Variants in FBXL2 observed in about 807,000 individuals in gnomAD.
FBXL2 encodes F-box and leucine rich repeat protein 2, also known as F-box/LRR-repeat protein 2.
Under a neutral mutation model 69.2 loss-of-function variants are expected in FBXL2, and 38 were observed. That is an observed-to-expected ratio of 0.55 (90% confidence interval 0.42 to 0.72). The LOEUF (loss-of-function observed/expected upper bound fraction) is 0.72, where lower values mean the gene tolerates loss of function less well. FBXL2 is among the 30% of genes least tolerant of loss of function. FBXL2 has a pLI of 0.00. For missense variants in FBXL2, 354 were observed against 520.3 expected, an observed-to-expected ratio of 0.68 and a Z score of 3.11; for synonymous variants, 192 against 201.3, an observed-to-expected ratio of 0.95 and a Z score of 0.39.
At chr3:33,306,051 A>G (rs900795023) in intron 2 of FBXL2, among the ~76,000 whole-genome samples, 2 of 151,700 alleles carry the variant, frequency 1.3e-5, no homozygotes, top group Admixed American at 6.6e-5. Context: ...TCTCTGTAAA[A>G]ATTTTTTCTT....
At chr3:33,385,060 A>G (rs1233119878) in intron 14 of FBXL2, among the ~76,000 whole-genome samples, 3 of 152,202 alleles carry the variant, frequency 2.0e-5, no homozygotes, top group East Asian at 1.9e-4. Flanking sequence ...GGTAAAGGCA[A>G]GCAATTTAAG....
the FBXL2 span, chr3:33,411,548 T>A: frequency 6.4e-7 from 1 of 1,574,536 alleles, no homozygotes; most frequent in East Asian, 2.2e-5. Context: ...AATAACTAGG[T>A]TAGTAAGCTT....
rs114252269 is a variant in FBXL2 at position 33,318,020 on chromosome 3, G to T, written c.65+20295G>T. 3.1e-3 allele frequency among the ~76,000 whole-genome samples: 478 copies of T among 151,790 alleles called. 1 individual carries two copies. Among genetic ancestry groups the T allele is most frequent in the Non-Finnish European group, 4.8e-3 (325 of 67,910 alleles). On this transcript the variant is annotated intron_variant, in intron 2 of 14. Transcript: ENST00000484457. ...AGCATGTTTTGGGCCAGGTTTCTGG[G>T]TTTTTTTTGTTTTTTTGACAGAATT...
At chr3:33,327,478 G>A (rs2038791427) in intron 2 of FBXL2, among the ~76,000 whole-genome samples, 1 of 152,010 alleles carries the variant, frequency 6.6e-6, no homozygotes, top group South Asian at 2.1e-4. Context: ...AAAAGATAAG[G>A]CATATAATTT....
rs141979451 is a variant in FBXL2, at chr3:33,295,390, A to C, written c.4-2274A>C. Among the ~76,000 whole-genome samples, 1,156 of 152,284 alleles carry C rather than the reference A, an allele frequency of 7.6e-3. 6 individuals carry two copies. Among genetic ancestry groups the C allele is most frequent in the Non-Finnish European group, 0.011 (732 of 68,018 alleles). On this transcript the variant is annotated intron_variant, in intron 1 of 14. Coordinates refer to ENST00000484457, the MANE Select transcript of FBXL2 (RefSeq NM_012157.5). ...TTTCAATAGCATATTTTCAAGACTC[A>C]TTCCTGTTGTAACATGTATCATTAC...
the FBXL2 span, among the ~76,000 whole-genome samples, chr3:33,410,119 A>G: frequency 6.6e-6 from 1 of 152,054 alleles, no homozygotes. Context: ...AAAACCCACT[A>G]CCCATCCTAT....
At chr3:33,355,380 G>A in intron 2 of FBXL2, among the ~76,000 whole-genome samples, 1 of 152,142 alleles carries the variant, frequency 6.6e-6, no homozygotes, top group East Asian at 1.9e-4. Context: ...TTCTGGATTG[G>A]AAGATTTAAT....
chr3:33,288,503 G>T (rs1394035921), intron 1 of FBXL2, among the ~76,000 whole-genome samples: 1 of 152,168 alleles, frequency 6.6e-6, no homozygotes, highest in Non-Finnish European at 1.5e-5. Flanking sequence ...GGGAAGGGAT[G>T]TGTTGCTTTT....
At position 33,373,691 on chromosome 3, in the gene FBXL2, G is replaced by C. The variant is rs756683169; in HGVS notation, c.569G>C (p.Arg190Thr). 6.2e-7 allele frequency: 1 copy of C among 1,614,186 alleles called. No individual in the cohort carries two copies. Among genetic ancestry groups the C allele is most frequent in the Non-Finnish European group, 8.5e-7 (1 of 1,180,028 alleles). The change falls in exon 8 of 15, where the codon AGG becomes ACG. Residue 190 changes from arginine (R) to threonine (T), a missense_variant. Coordinates refer to ENST00000484457, the MANE Select transcript of FBXL2 (RefSeq NM_012157.5). ...GCRGLKALLL[R>T]GCTQLEDEAL... is the part of the protein sequence containing the mutation. ...CGAGGCCTGAAAGCCCTGCTCCTGA[G>C]GGGCTGCACACAGGTACCAGAGGGT...
intron 2 of FBXL2, among the ~76,000 whole-genome samples, chr3:33,316,353 C>T (rs867696602): frequency 4.6e-5 from 7 of 152,032 alleles, no homozygotes; most frequent in African/African-American, 1.7e-4. Context: ...GCCACCACGC[C>T]GAGCCACCAC....
chr3:33,355,770 T>C (rs111727741), intron 2 of FBXL2, among the ~76,000 whole-genome samples: 44 of 152,348 alleles, frequency 2.9e-4, no homozygotes, highest in Admixed American at 5.2e-4. Flanking sequence ...GGAAGCACTT[T>C]CTAGGAAAGA....
chr3:33,374,875 A>C (rs1181615500), intron 9 of FBXL2, among the ~76,000 whole-genome samples: 1 of 152,194 alleles, frequency 6.6e-6, no homozygotes, highest in Non-Finnish European at 1.5e-5. Context: ...CTAAAGCATT[A>C]ATCTGCAGAA....
the FBXL2 span, among the ~76,000 whole-genome samples, chr3:33,410,614 A>G: frequency 1.3e-5 from 2 of 152,196 alleles, no homozygotes; most frequent in Non-Finnish European, 2.9e-5. Context: ...TATATTACCT[A>G]CCTGGTAGTT....
intron 2 of FBXL2, among the ~76,000 whole-genome samples, chr3:33,358,759 T>C (rs1179848001): frequency 6.6e-6 from 1 of 152,238 alleles, no homozygotes; most frequent in Non-Finnish European, 1.5e-5. Flanking sequence ...GTAATTTGTA[T>C]TGTGTGTCCA....
At chr3:33,331,405 C>T (rs1286950127) in intron 2 of FBXL2, among the ~76,000 whole-genome samples, 2 of 152,042 alleles carry the variant, frequency 1.3e-5, no homozygotes, top group African/African-American at 4.8e-5. Flanking sequence ...GAGATGAGGT[C>T]TTTGAGCCTG....
chr3:33,382,550 C>T (rs2043134039), intron 13 of FBXL2: 1 of 152,178 alleles, frequency 6.6e-6, no homozygotes, highest in African/African-American at 2.4e-5. Flanking sequence ...TTCATTCTCA[C>T]TGCTTTATAG....
At chr3:33,293,313 G>C (rs9815807) in intron 1 of FBXL2, among the ~76,000 whole-genome samples, 23,409 of 152,176 alleles carry the variant, frequency 0.15, 2,000 homozygotes, top group African/African-American at 0.22. Context: ...ATCACTATCC[G>C]TATTTTGCTG....
intron 2 of FBXL2, among the ~76,000 whole-genome samples, chr3:33,308,041 T>TTTTG (rs10665378): frequency 0.078 from 11,814 of 152,086 alleles, 526 homozygotes; most frequent in South Asian, 0.11. Flanking sequence ...TTGTTGTTAT[T>TTTTG]TTTGTTTGTT....
chr3:33,390,935 G>A (rs1231072655), downstream of FBXL2: 1 of 152,024 alleles, frequency 6.6e-6, no homozygotes, highest in Non-Finnish European at 1.5e-5. Context: ...ACAGTAAATT[G>A]AGATTAGAGG....
Sources: gnomAD v4.1 joint callset for allele counts (sites outside exome capture counted in the v4.1 genomes callset) on GRCh38, gnomAD v4.1.1 for gene constraint, MANE v1.5 for transcripts, NCBI Gene and HGNC (gene_info 2026-07-23, HGNC 2026-07-21) for gene names.